Variants in CCT2 observed in about 807,000 individuals in gnomAD.
CCT2 encodes the protein chaperonin containing TCP1 subunit 2.
A neutral mutation model predicts 61.8 loss-of-function variants in CCT2; 18 were observed. The observed-to-expected ratio is 0.29, with a 90% CI of 0.20 to 0.43. The LOEUF (loss-of-function observed/expected upper bound fraction) is 0.43, where lower values mean the gene tolerates loss of function less well. Among genes scored for constraint, CCT2 ranks in the 20% least tolerant of loss-of-function variants. CCT2 has a pLI of 1.00. For missense variants in CCT2, 556 were observed against 656.9 expected (o/e 0.85, Z 1.68); for synonymous variants, 248 against 215.9 (o/e 1.15, Z -1.30).
At position 69,597,708 on chromosome 12, in the gene CCT2, T is replaced by C; in HGVS notation, c.1173T>C (p.His391=). The change falls in exon 12 of 16, where the codon CAT becomes CAC. Residue 391 remains histidine (H), a synonymous_variant. Transcript: ENST00000299300. The stretch of plus-strand genomic sequence containing the variant: ...TAGATGAAGCAGAAAGATCATTGCA[T>C]GATGCTCTTTGTGTTCTTGCGCAAA... ...QILDEAERSL[H]DALCVLAQTV... The C allele has an allele frequency of 1.9e-6, 3 of 1,612,038 alleles. No homozygotes were observed. The highest frequency in any genetic ancestry group is 2.5e-6 in the Non-Finnish European group (3 of 1,178,050).
chr12:69,587,707 G>A (rs950679673), intron 4 of CCT2, 91 bp downstream of exon 4: 5 of 838,900 alleles, frequency 6.0e-6, no homozygotes, highest in African/African-American at 3.4e-5. Context: ...TTGACCAATC[G>A]TACTGTCAAT....
intron 3 of CCT2, 119 bp from the exon 4 acceptor site, chr12:69,587,386 T>TA: frequency 1.7e-6 from 1 of 597,732 alleles, no homozygotes; most frequent in South Asian, 2.3e-5. Context: ...GATGAATGGA[T>TA]ACCACAAAAT....
At chr12:69,600,708 T>C (rs1001043671) in intron 15 of CCT2, among the ~76,000 whole-genome samples, 3 of 152,186 alleles carry the variant, frequency 2.0e-5, no homozygotes. Flanking sequence ...ATATGATCCC[T>C]GTATAATGCT....
intron 2 of CCT2, among the ~76,000 whole-genome samples, 170 bp from the exon 3 acceptor site, chr12:69,586,583 G>C (rs474554): frequency 6.6e-6 from 1 of 151,854 alleles, no homozygotes; most frequent in South Asian, 2.1e-4. Flanking sequence ...CAGGAGGATC[G>C]CTTGAACCCA....
chr12:69,594,084 A>T (rs953726520), intron 10 of CCT2, among the ~76,000 whole-genome samples: 11 of 152,158 alleles, frequency 7.2e-5, no homozygotes, highest in African/African-American at 2.7e-4. Flanking sequence ...GGTTGCAGTC[A>T]GCGGAGATCG....
intron 6 of CCT2, among the ~76,000 whole-genome samples, chr12:69,588,667 C>T (rs1163351245): frequency 6.6e-6 from 1 of 152,120 alleles, no homozygotes; most frequent in Non-Finnish European, 1.5e-5. Flanking sequence ...TGATTTTTAG[C>T]ATTATAAAAT....
At chr12:69,594,727 G>GTCCTAGCT (rs1881937071) in intron 10 of CCT2, among the ~76,000 whole-genome samples, 1 of 151,900 alleles carries the variant, frequency 6.6e-6, no homozygotes, top group South Asian at 2.1e-4. Context: ...CATGCCTGTA[G>GTCCTAGCT]TCCTAGCTAC....
Position 69,599,970 on chromosome 12 carries a change from C to A in CCT2, c.1543C>A (p.Leu515Met). 6.2e-7 allele frequency: 1 copy of A among 1,613,580 alleles called. No homozygotes were observed. The highest frequency in any genetic ancestry group is 8.5e-7 in the Non-Finnish European group (1 of 1,179,678). Residue 515 changes from leucine to methionine, a missense_variant, in exon 15 of 16, where the codon CTG becomes ATG. Leu to Met is a conservative substitution (Grantham distance 15, BLOSUM62 2). This residue lies in a region of CCT2 where 225 missense variants were observed against 249.8 expected (regional missense o/e 0.90). Transcript: ENST00000299300. ...LSAAEAAEVI[L>M]RVDNIIKAAP... ...TGCAGCTGAAGCAGCAGAGGTGATT[C>A]TGCGTGTGGACAACATCATCAAAGC...
intron 14 of CCT2, among the ~76,000 whole-genome samples, chr12:69,599,554 A>AT (rs1882089422): frequency 6.6e-6 from 1 of 151,350 alleles, no homozygotes; most frequent in Non-Finnish European, 1.5e-5. Context: ...TGCCCGGCTA[A>AT]TTTTTTATAT....
intron 15 of CCT2, 85 bp downstream of exon 15, chr12:69,600,089 AAAGC>A: frequency 1.6e-6 from 2 of 1,248,584 alleles, no homozygotes; most frequent in Non-Finnish European, 2.2e-6. Flanking sequence ...GAGTTAATGA[AAAGC>A]AGAGACAGTT....
Position 69,593,579 on chromosome 12 carries a change from T to C in CCT2, c.948T>C (p.Asp316=). 6.2e-7 allele frequency: 1 copy of C among 1,613,166 alleles called. No homozygotes were observed. Among genetic ancestry groups the C allele is most frequent in the Non-Finnish European group, 8.5e-7 (1 of 1,179,264 alleles). The change falls in exon 10 of 16, where the codon GAT becomes GAC. Residue 316 remains aspartate (D), a synonymous_variant. Transcript: ENST00000299300. ...AAGVMAIEHA[D]FAGVERLALV... ...GTGTCATGGCTATTGAGCATGCAGA[T>C]TTTGCAGGTGTGGAACGCCTAGCTC...
intron 14 of CCT2, among the ~76,000 whole-genome samples, chr12:69,599,282 G>A (rs1463547434): frequency 2.0e-5 from 3 of 152,122 alleles, no homozygotes; most frequent in African/African-American, 7.2e-5. Flanking sequence ...AGATGGGGGG[G>A]CAGTCTCACT....
Position 69,593,101 on chromosome 12 carries a change from C to T in CCT2, c.876C>T (p.Asn292=). The change falls in exon 9 of 16, where the codon AAC becomes AAT. Residue 292 remains asparagine (N), a splice_region_variant and synonymous_variant. Transcript: ENST00000299300. ...AGCATGGAATAAATTGCTTTATTAA[C>T]AGGTCTGTGTTTGCTTTTAAGAAAG... ...ILKHGINCFI[N]RQLIYNYPEQ... 4 of 1,611,838 alleles carry T rather than the reference C, an allele frequency of 2.5e-6. No individual in the cohort carries two copies. The highest frequency in any genetic ancestry group is 3.4e-6 in the Non-Finnish European group (4 of 1,178,538).
chr12:69,590,137 TTTGTGTCCGTGGTTTGCAC>T (rs1006269783), intron 7 of CCT2, among the ~76,000 whole-genome samples: 5 of 152,182 alleles, frequency 3.3e-5, no homozygotes, highest in Admixed American at 2.6e-4. Context: ...TAGTCAGCCC[TTTGTGTCCGTGGTTTGCAC>T]ATGTGCAACC....
At chr12:69,597,892 A>G in intron 12 of CCT2, 76 bp from the exon 13 acceptor site, 2 of 1,435,870 alleles carry the variant, frequency 1.4e-6, no homozygotes, top group South Asian at 1.2e-5. Context: ...AATGCTTGGC[A>G]TATCTTAAAG....
intron 1 of CCT2, chr12:69,585,769 C>T: frequency 1.4e-6 from 2 of 1,404,174 alleles, no homozygotes; most frequent in Non-Finnish European, 9.3e-7. Flanking sequence ...ATAGTCCCGG[C>T]AGCCCAGGTC....
intron 11 of CCT2, 45 bp downstream of exon 11, chr12:69,597,320 T>C: frequency 2.5e-6 from 4 of 1,607,080 alleles, no homozygotes; most frequent in Non-Finnish European, 3.4e-6. Flanking sequence ...AAATTCTTGC[T>C]AGGCTCTGTT....
intron 1 of CCT2, 149 bp downstream of exon 1, chr12:69,585,673 G>C: frequency 6.6e-7 from 1 of 1,520,560 alleles, no homozygotes; most frequent in Non-Finnish European, 8.8e-7. Flanking sequence ...GGGGCGTGCG[G>C]CCTGCGCCAG....
At position 69,597,745 on chromosome 12, in the gene CCT2, T is replaced by G; in HGVS notation, c.1210T>G (p.Ser404Ala). 1 of 1,613,088 alleles carries G rather than the reference T, an allele frequency of 6.2e-7. No individual in the cohort carries two copies. Among genetic ancestry groups the G allele is most frequent in the African/African-American group, 1.3e-5 (1 of 75,054 alleles). ...LCVLAQTVKD[S>A]RTVYGGGCSE... ...TGTTCTTGCGCAAACTGTAAAGGACTCTAGAACAGTTTATGGAGGAGGTAA... is the reference window on the plus strand; with the variant it reads ...TGTTCTTGCGCAAACTGTAAAGGACGCTAGAACAGTTTATGGAGGAGGTAA... Residue 404 changes from serine to alanine, a missense_variant, in exon 12 of 16, where the codon TCT becomes GCT. Transcript: ENST00000299300.
Sources: allele counts gnomAD v4.1 joint callset (sites outside exome capture counted in the v4.1 genomes callset), GRCh38; gene constraint gnomAD v4.1.1; regional missense constraint gnomAD v4.1.1; transcripts MANE v1.5; gene names NCBI Gene and HGNC (gene_info 2026-07-23, HGNC 2026-07-21).